Variants in ANLN observed in about 807,000 individuals in gnomAD.
The protein encoded by ANLN is anillin, actin binding protein, also known as anillin.
Under a neutral mutation model 135.1 loss-of-function variants are expected in ANLN, and 59 were observed. That is an observed-to-expected ratio of 0.44 (90% confidence interval 0.35 to 0.54). The LOEUF (loss-of-function observed/expected upper bound fraction) is 0.54, where lower values mean the gene tolerates loss of function less well. Among genes scored for constraint, ANLN ranks in the 20% least tolerant of loss-of-function variants. ANLN has a pLI of 0.00. For missense variants in ANLN, 1,182 were observed against 1,340.0 expected (o/e 0.88, Z 1.84); for synonymous variants, 406 against 456.4 (o/e 0.89, Z 1.41).
chr7:36,425,656 T>C (rs1432409057), intron 17 of ANLN, 46 bp from the exon 18 acceptor site: 1 of 1,403,092 alleles, frequency 7.1e-7, no homozygotes, highest in Admixed American at 1.9e-5. Context: ...TTCTGAGACA[T>C]AATGTTTAAT....
At chr7:36,450,134 C>T (rs948652660) in intron 23 of ANLN, among the ~76,000 whole-genome samples, 5 of 152,136 alleles carry the variant, frequency 3.3e-5, no homozygotes, top group African/African-American at 4.8e-5. Context: ...AGATTTCATG[C>T]GTAGTTGAGG....
intron 3 of ANLN, among the ~76,000 whole-genome samples, chr7:36,400,160 A>G (rs1368887114): frequency 1.3e-5 from 2 of 152,244 alleles, no homozygotes; most frequent in Admixed American, 6.5e-5. Context: ...ATGCGAAGAC[A>G]TGAAACAGTT....
chr7:36,399,636 C>A (rs563812424), intron 3 of ANLN, among the ~76,000 whole-genome samples: 1 of 152,104 alleles, frequency 6.6e-6, no homozygotes, highest in African/African-American at 2.4e-5. Context: ...AACTGTATTA[C>A]CTTAATATCT....
At chr7:36,423,977 A>C in intron 15 of ANLN, 34 bp downstream of exon 15, 2 of 1,594,524 alleles carry the variant, frequency 1.3e-6, no homozygotes, top group Non-Finnish European at 8.5e-7. Flanking sequence ...ATTCGAATGC[A>C]TTTTTCTTTT....
Position 36,410,688 on chromosome 7 carries a change from C to T in ANLN, c.1271C>T (p.Ala424Val), listed in dbSNP as rs898805643. 1.9e-6 allele frequency: 3 copies of T among 1,613,716 alleles called. No individual in the cohort carries two copies. Among genetic ancestry groups the T allele is most frequent in the African/African-American group, 1.3e-5 (1 of 75,010 alleles). ...QDTSSSTTHL[A>V]QQLKQERQKE... Reference sequence around the variant, plus strand: ...ACATCTTCATCTACTACCCATTTAGCACAACAGCTCAAGCAGGTATGGTGT... The same window carrying T: ...ACATCTTCATCTACTACCCATTTAGTACAACAGCTCAAGCAGGTATGGTGT... The change falls in exon 6 of 24, where the codon GCA (alanine) becomes GTA (valine). Residue 424 changes from alanine (A) to valine (V), a missense_variant. Ala to Val is a moderately conservative substitution (Grantham distance 64). Transcript: ENST00000265748.
chr7:36,390,196 C>A, intron 1 of ANLN, 152 bp downstream of exon 1: 1 of 1,318,062 alleles, frequency 7.6e-7, no homozygotes, highest in Non-Finnish European at 1.1e-6. Flanking sequence ...GCCGCGGCTG[C>A]GGCCTGCTGT....
At chr7:36,391,945 C>CT (rs35991362) in intron 1 of ANLN, among the ~76,000 whole-genome samples, 62,923 of 147,822 alleles carry the variant, frequency 0.43, 13,685 homozygotes, top group African/African-American at 0.53. Context: ...TTCTGGCACT[C>CT]TTTTTTTTTT....
chr7:36,450,102 A>G (rs1432405851), intron 23 of ANLN, among the ~76,000 whole-genome samples: 1 of 152,178 alleles, frequency 6.6e-6, no homozygotes, highest in Non-Finnish European at 1.5e-5. Flanking sequence ...CAGTTAGATA[A>G]TAATCTTTGG....
At position 36,422,836 on chromosome 7, in the gene ANLN, G is replaced by A. The variant is rs890799147; in HGVS notation, c.2476+27G>A. The A allele has an allele frequency of 3.2e-6, 5 of 1,568,028 alleles. No individual in the cohort carries two copies. The Admixed American group carries it at 6.0e-5, about 19-fold the overall frequency. On this transcript the variant is annotated intron_variant, in intron 14 of 23. Coordinates refer to ENST00000265748, the MANE Select transcript of ANLN (RefSeq NM_018685.5). ...TATGGTGGTGATTTTTCTAGATTGT[G>A]TGTTAAATTATGAACCTCACCTAGA...
rs372483859 is a variant in ANLN at position 36,420,297 on chromosome 7, T to A, written c.1998T>A (p.Asp666Glu). The A allele has an allele frequency of 8.1e-6, 13 of 1,613,924 alleles. No individual in the cohort carries two copies. Among genetic ancestry groups the A allele is most frequent in the African/African-American group, 2.7e-5 (2 of 74,938 alleles). Residue 666 changes from aspartate (D) to glutamate (E), a missense_variant, in exon 11 of 24, where the codon GAT becomes GAA. Asp to Glu is a conservative substitution (Grantham distance 45). Coordinates refer to ENST00000265748, the MANE Select transcript of ANLN (RefSeq NM_018685.5). Reference sequence around the variant, plus strand: ...CTGGTGATAGCCTTGGTTCTGAAGATCGTGATCTTCTTTACAGGTAAGAAC... The same window carrying A: ...CTGGTGATAGCCTTGGTTCTGAAGAACGTGATCTTCTTTACAGGTAAGAAC... The part of the protein sequence containing the change: ...AESGDSLGSE[D>E]RDLLYSIDAY...
At chr7:36,403,723 G>A (rs921560965) in intron 3 of ANLN, among the ~76,000 whole-genome samples, 7 of 151,756 alleles carry the variant, frequency 4.6e-5, no homozygotes, top group Admixed American at 6.6e-5. Context: ...CTCTCAGCTC[G>A]CTGCAACCTC....
intron 7 of ANLN, 41 bp downstream of exon 7, chr7:36,411,207 A>G (rs753170176): frequency 1.1e-5 from 16 of 1,491,810 alleles, no homozygotes; most frequent in Middle Eastern, 1.7e-4. Context: ...TTGGTCCCCA[A>G]ATAGTTGGGA....
At chr7:36,442,152 G>A (rs1409979396) in intron 21 of ANLN, among the ~76,000 whole-genome samples, 1 of 152,222 alleles carries the variant, frequency 6.6e-6, no homozygotes, top group African/African-American at 2.4e-5. Flanking sequence ...CATAGGGTTG[G>A]AGTAAGGACT....
At chr7:36,404,075 A>C (rs997603926) in intron 3 of ANLN, among the ~76,000 whole-genome samples, 1 of 152,102 alleles carries the variant, frequency 6.6e-6, no homozygotes, top group African/African-American at 2.4e-5. Context: ...GGTTCAAGCT[A>C]TTCCCCTGCC....
In ANLN at chr7:36,433,463, G is replaced by GT. The variant is rs34773574; in HGVS notation, c.2884-5734dup. Among the ~76,000 whole-genome samples, 349 of 151,900 alleles carry GT rather than the reference G, an allele frequency of 2.3e-3. 2 individuals are homozygous for GT. The highest frequency in any genetic ancestry group is 8.0e-3 in the African/African-American group (331 of 41,426). ...AGTCAGCCAGCCATCATTCTTTTCT[G>GT]TTTTTTTATTTTGCATTTTTAACGG... On this transcript the variant is annotated intron_variant, in intron 20 of 23. Transcript: ENST00000265748.
chr7:36,442,434 G>A (rs1167866453), intron 21 of ANLN, among the ~76,000 whole-genome samples: 1 of 152,166 alleles, frequency 6.6e-6, no homozygotes, highest in Non-Finnish European at 1.5e-5. Flanking sequence ...TAGCATCTGT[G>A]ACTGCTTCTG....
At chr7:36,448,721 GATTTATTTAAATAGTCCCCTATTA>G (rs1423585225) in intron 22 of ANLN, among the ~76,000 whole-genome samples, 36 of 152,240 alleles carry the variant, frequency 2.4e-4, no homozygotes, top group African/African-American at 8.2e-4. Flanking sequence ...ACAATACCAT[GATTTATTTAAATAGTCCCCTATTA>G]CTGTCATTGA....
intron 7 of ANLN, among the ~76,000 whole-genome samples, chr7:36,414,430 G>C (rs1392869962): frequency 1.3e-5 from 2 of 152,186 alleles, no homozygotes; most frequent in Non-Finnish European, 2.9e-5. Context: ...ACAATCTCCT[G>C]TGTGACGAAA....
At chr7:36,427,341 G>C (rs1428842724) in intron 20 of ANLN, among the ~76,000 whole-genome samples, 14 of 151,792 alleles carry the variant, frequency 9.2e-5, no homozygotes, top group Admixed American at 3.9e-4. Flanking sequence ...ATAATATCTT[G>C]CCTATTTCCA....
Sources: allele counts gnomAD v4.1 joint callset (sites outside exome capture counted in the v4.1 genomes callset), GRCh38; gene constraint gnomAD v4.1.1; transcripts MANE v1.5; gene names NCBI Gene and HGNC (gene_info 2026-07-23, HGNC 2026-07-21).